Variants in MSH4 observed in about 807,000 individuals in gnomAD.
MSH4 encodes mutS protein homolog 4.
A neutral mutation model predicts 113.7 loss-of-function variants in MSH4; 106 were observed. The ratio of observed to expected loss-of-function variants is 0.93; its 90% CI spans 0.80 to 1.10. The LOEUF (loss-of-function observed/expected upper bound fraction) is 1.10. Among genes scored for constraint, MSH4 ranks in the 50% least tolerant of loss-of-function variants. The pLI, the probability that MSH4 is intolerant of heterozygous loss-of-function variation, is 0.00. For synonymous variants in MSH4, 368 were observed against 380.2 expected (o/e 0.97, Z 0.37); for missense variants, 1,061 against 1,093.7 (o/e 0.97, Z 0.42).
At chr1:75,881,501 T>A in intron 14 of MSH4, 131 bp downstream of exon 14, 2 of 864,640 alleles carry the variant, frequency 2.3e-6, no homozygotes, top group Non-Finnish European at 3.3e-6. Context: ...GGTCCTAGAC[T>A]AAGACACAAA....
At chr1:75,901,334 C>G (rs1652501858) in intron 19 of MSH4, among the ~76,000 whole-genome samples, 1 of 152,122 alleles carries the variant, frequency 6.6e-6, no homozygotes, top group Non-Finnish European at 1.5e-5. Context: ...TTCCTAACCT[C>G]TAGTAACCAT....
chr1:75,844,383 G>T (rs968643627), intron 7 of MSH4, among the ~76,000 whole-genome samples: 1 of 152,130 alleles, frequency 6.6e-6, no homozygotes, highest in African/African-American at 2.4e-5. Context: ...CTGGAGTGCA[G>T]TGGCACAATC....
At chr1:75,855,622 C>A (rs1347454249) in intron 8 of MSH4, among the ~76,000 whole-genome samples, 6 of 152,052 alleles carry the variant, frequency 3.9e-5, no homozygotes, top group African/African-American at 1.4e-4. Context: ...TTCACAACGC[C>A]AATCTGTGTT....
At chr1:75,854,413 G>A (rs10465725) in intron 8 of MSH4, among the ~76,000 whole-genome samples, 8,182 of 152,024 alleles carry the variant, frequency 0.054, 380 homozygotes, top group African/African-American at 0.12. Flanking sequence ...GCCCTTCTAC[G>A]CAGAGGAGGC....
rs762000169 is a variant in MSH4 at position 75,882,670 on chromosome 1, A to ATT, written c.1907-951_1907-950insTT. 6.4e-3 allele frequency among the ~76,000 whole-genome samples: 942 copies of ATT among 147,184 alleles called. 15 individuals are homozygous for ATT. Among genetic ancestry groups the ATT allele is most frequent in the African/African-American group, 0.012 (497 of 40,274 alleles). ...ATAGCTAGACCTCATTTCTAAAAAA[A>ATT]AAAAAAAAAAAAAAAAAAATCGGTG... On this transcript the variant is annotated intron_variant, in intron 14 of 19. Transcript: ENST00000263187.
intron 7 of MSH4, among the ~76,000 whole-genome samples, chr1:75,839,492 G>T (rs1484588464): frequency 6.6e-6 from 1 of 152,122 alleles, no homozygotes; most frequent in Non-Finnish European, 1.5e-5. Context: ...TGGGATTACA[G>T]GTATATGCCA....
intron 19 of MSH4, among the ~76,000 whole-genome samples, chr1:75,908,732 T>C (rs1652724303): frequency 6.6e-6 from 1 of 152,170 alleles, no homozygotes; most frequent in Admixed American, 6.5e-5. Context: ...CTAGGTTGTA[T>C]GTTTGCTTAG....
At chr1:75,899,822 A>G (rs2100589774) in intron 19 of MSH4, 116 bp downstream of exon 19, 1 of 313,606 alleles carries the variant, frequency 3.2e-6, no homozygotes, top group South Asian at 1.2e-4. Context: ...TAAAATATTT[A>G]AAATTAAAAC....
At chr1:75,836,981 T>G (rs568863984) in intron 7 of MSH4, among the ~76,000 whole-genome samples, 2 of 152,220 alleles carry the variant, frequency 1.3e-5, no homozygotes, top group South Asian at 2.1e-4. Flanking sequence ...GACTCAAATA[T>G]CTTATTGCCT....
chr1:75,800,586 G>A (rs1170902051), intron 1 of MSH4, among the ~76,000 whole-genome samples: 1 of 151,662 alleles, frequency 6.6e-6, no homozygotes, highest in Non-Finnish European at 1.5e-5. Context: ...AAATTTTAGT[G>A]ATGTTAAAAA....
intron 4 of MSH4, among the ~76,000 whole-genome samples, chr1:75,811,197 T>G (rs1650183375): frequency 6.6e-6 from 1 of 152,164 alleles, no homozygotes; most frequent in Non-Finnish European, 1.5e-5. Context: ...ATTTAAAATT[T>G]ACTTAATAAT....
chr1:75,848,158 T>C (rs764949575), intron 7 of MSH4, 51 bp from the exon 8 acceptor site: 7 of 1,200,746 alleles, frequency 5.8e-6, no homozygotes, highest in Non-Finnish European at 8.5e-6. Context: ...TAGTCAATAT[T>C]TTGAACTGTA....
chr1:75,843,914 C>T (rs1002656890), intron 7 of MSH4, among the ~76,000 whole-genome samples: 34 of 151,950 alleles, frequency 2.2e-4, no homozygotes, highest in Admixed American at 1.4e-3. Flanking sequence ...CGGGTTCAAG[C>T]GATTCTCCTG....
intron 8 of MSH4, among the ~76,000 whole-genome samples, chr1:75,866,830 A>G (rs1354727149): frequency 2.0e-5 from 3 of 151,980 alleles, no homozygotes; most frequent in Non-Finnish European, 4.4e-5. Flanking sequence ...AAAAAAAAAA[A>G]GAAACATCTT....
chr1:75,909,733 A>G (rs1401849073), intron 19 of MSH4, among the ~76,000 whole-genome samples: 1 of 146,062 alleles, frequency 6.8e-6, no homozygotes, highest in Non-Finnish European at 1.5e-5. Flanking sequence ...CTTTTACGAT[A>G]ACTCTTTTGA....
In MSH4 at chr1:75,816,539, G is replaced by A; in HGVS notation, c.982G>A (p.Asp328Asn). The stretch of plus-strand genomic sequence containing the variant: ...CCTTGAATTGTTAATTAATAATCAA[G>A]ACTATAGGTAAGATCATCCATTTTA... ...QNLELLINNQ[D>N]YRNNHTLFGV... Residue 328 changes from aspartate to asparagine, a missense_variant, in exon 6 of 20, where the codon GAC becomes AAC. By Grantham distance (23) the Asp-to-Asn change is conservative. Coordinates refer to ENST00000263187, the MANE Select transcript of MSH4 (RefSeq NM_002440.4). The A allele has an allele frequency of 6.4e-7, 1 of 1,564,752 alleles. No individual in the cohort carries two copies. Among genetic ancestry groups the A allele is most frequent in the Non-Finnish European group, 8.7e-7 (1 of 1,148,586 alleles).
intron 10 of MSH4, among the ~76,000 whole-genome samples, chr1:75,877,765 C>A (rs903358234): frequency 6.6e-6 from 1 of 152,186 alleles, no homozygotes; most frequent in Non-Finnish European, 1.5e-5. Flanking sequence ...AATCTCTTCA[C>A]CTAGCACAGT....
chr1:75,804,613 T>C (rs1055215644), intron 2 of MSH4, among the ~76,000 whole-genome samples: 2 of 147,384 alleles, frequency 1.4e-5, no homozygotes, highest in Non-Finnish European at 3.0e-5. Context: ...CGGGTTCAAG[T>C]GATTCTTCTG....
At position 75,796,886 on chromosome 1, in the gene MSH4, A is replaced by G. The variant is rs1426109112; in HGVS notation, c.-100A>G. ...AGTGCAGCTTAGTGCGTCGGCGCGCAGTTCTCCCGCCCGTTTCAGCGGCGC... is the reference window on the plus strand; with the variant it reads ...AGTGCAGCTTAGTGCGTCGGCGCGCGGTTCTCCCGCCCGTTTCAGCGGCGC... On this transcript the variant is annotated 5_prime_UTR_variant, in exon 1 of 20. Transcript: ENST00000263187. 1.2e-5 allele frequency: 18 copies of G among 1,540,366 alleles called. No homozygotes were observed. The highest frequency in any genetic ancestry group is 1.4e-5 in the Non-Finnish European group (16 of 1,132,686).
Sources: gnomAD v4.1 joint callset for allele counts (sites outside exome capture counted in the v4.1 genomes callset) on GRCh38, gnomAD v4.1.1 for gene constraint, MANE v1.5 for transcripts, NCBI Gene and HGNC (gene_info 2026-07-23, HGNC 2026-07-21) for gene names.